Variants in DNAH8 observed in about 807,000 individuals in gnomAD.
DNAH8 encodes the protein dynein axonemal heavy chain 8.
In DNAH8, 382 loss-of-function variants were observed where a neutral mutation model predicts 562.1. The observed-to-expected ratio is 0.68, with a 90% CI of 0.63 to 0.74. DNAH8 has a LOEUF of 0.74. Among genes scored for constraint, DNAH8 ranks in the 30% least tolerant of loss-of-function variants. DNAH8 has a pLI of 0.00. For missense variants in DNAH8, 5,203 were observed against 5,620.4 expected (o/e 0.93, Z 2.37); for synonymous variants, 1,881 against 1,919.4 (o/e 0.98, Z 0.52).
Position 38,815,544 on chromosome 6 carries a change from G to A in DNAH8, c.3410G>A (p.Gly1137Glu). 6.2e-7 allele frequency: 1 copy of A among 1,614,048 alleles called. No homozygotes were observed. Among genetic ancestry groups the A allele is most frequent in the African/African-American group, 1.3e-5 (1 of 75,026 alleles). Residue 1137 changes from glycine (G) to glutamate (E), a missense_variant, in exon 26 of 93, where the codon GGA (glycine) becomes GAA (glutamate). Gly to Glu is a moderately conservative substitution (Grantham distance 98, BLOSUM62 -2). This residue lies in a region of DNAH8 where 2,176 missense variants were observed against 2,365.1 expected (regional missense o/e 0.92). Transcript: ENST00000327475. ...CAGTTAACCCTGGAGGTCAGCAGAGGAGTGGCTCACTGGGGGCAACAGCAA... is the reference window on the plus strand; with the variant it reads ...CAGTTAACCCTGGAGGTCAGCAGAGAAGTGGCTCACTGGGGGCAACAGCAA... ...MIQLTLEVSR[G>E]VAHWGQQQIR...
intron 11 of DNAH8, among the ~76,000 whole-genome samples, chr6:38,767,479 C>G (rs893191901): frequency 6.6e-6 from 1 of 151,984 alleles, no homozygotes; most frequent in East Asian, 1.9e-4. Context: ...GCCCTAGCCC[C>G]TAGTAACTTG....
chr6:38,955,695 G>C (rs1762199915), intron 82 of DNAH8, among the ~76,000 whole-genome samples: 1 of 152,108 alleles, frequency 6.6e-6, no homozygotes, highest in South Asian at 2.1e-4. Context: ...AATTTATAGT[G>C]ATGTCAGCAA....
chr6:38,915,188 C>G lies in DNAH8; in HGVS notation c.9964-13C>G. The G allele has an allele frequency of 6.4e-7, 1 of 1,567,966 alleles. No individual in the cohort carries two copies. The highest frequency in any genetic ancestry group is 8.6e-7 in the Non-Finnish European group (1 of 1,165,310). On this transcript the variant is annotated splice_polypyrimidine_tract_variant and intron_variant, in intron 67 of 92. Coordinates refer to ENST00000327475, the MANE Select transcript of DNAH8 (RefSeq NM_001206927.2). Reference sequence around the variant, plus strand: ...GTTTCTATTGGCTTTCATGTGTTTCCTCAACTTAACAGGTATTAGCAGAAG... The same window carrying G: ...GTTTCTATTGGCTTTCATGTGTTTCGTCAACTTAACAGGTATTAGCAGAAG...
chr6:38,721,160 A>G (rs1762718996), intron 1 of DNAH8, among the ~76,000 whole-genome samples: 1 of 152,116 alleles, frequency 6.6e-6, no homozygotes, highest in African/African-American at 2.4e-5. Context: ...AATAAAAAAT[A>G]AAAAAATTAG....
rs577911490 is a variant in DNAH8 at position 38,811,203 on chromosome 6, A to G, written c.3258-2851A>G. 3.3e-5 allele frequency among the ~76,000 whole-genome samples: 5 copies of G among 152,234 alleles called. No homozygotes were observed. In the East Asian group the frequency reaches 9.6e-4, roughly 29 times the overall value. ...GTTATTGCTTCTAGGATATTCTTTC[A>G]TTGTCTTCTTCTGGAACTCCTATTA... On this transcript the variant is annotated intron_variant, in intron 24 of 92. Coordinates refer to ENST00000327475, the MANE Select transcript of DNAH8 (RefSeq NM_001206927.2).
Position 38,873,313 on chromosome 6 carries a change from C to T in DNAH8, c.7557C>T (p.Tyr2519=), listed in dbSNP as rs1246811351. Residue 2519 remains tyrosine (Y), a synonymous_variant, in exon 52 of 93, where the codon TAC becomes TAT. Transcript: ENST00000327475. ...TLYEKVFEDT[Y]TYMKLNLNPK... ...ATGAGAAAGTCTTTGAAGATACATA[C>T]ACATATATGAAGCTAAATCTCAATC... 1 of 1,613,650 alleles carries T rather than the reference C, an allele frequency of 6.2e-7. No individual in the cohort carries two copies. Among genetic ancestry groups the T allele is most frequent in the East Asian group, 2.2e-5 (1 of 44,842 alleles).
chr6:38,903,472 C>T (rs2150512963), intron 62 of DNAH8, among the ~76,000 whole-genome samples: 1 of 152,206 alleles, frequency 6.6e-6, no homozygotes, highest in African/African-American at 2.4e-5. Flanking sequence ...GAGGGATCTG[C>T]CTCCATGACC....
At chr6:38,987,980 C>T (rs530646335) in intron 87 of DNAH8, among the ~76,000 whole-genome samples, 29 of 152,284 alleles carry the variant, frequency 1.9e-4, no homozygotes, top group Admixed American at 1.2e-3. Context: ...TTGATCTCAT[C>T]CTCAGCCCCA....
At chr6:38,775,729 G>A (rs1767997922) in intron 12 of DNAH8, 25 bp from the exon 13 acceptor site, 1 of 1,496,016 alleles carries the variant, frequency 6.7e-7, no homozygotes. Flanking sequence ...ATTTAAAAAA[G>A]CAAAATAACA....
rs145309531 is a variant in DNAH8, at chr6:38,832,398, G to C, written c.4265G>C (p.Arg1422Pro). 1.9e-6 allele frequency: 3 copies of C among 1,613,066 alleles called. No individual in the cohort carries two copies. Among genetic ancestry groups the C allele is most frequent in the South Asian group, 2.2e-5 (2 of 91,034 alleles). Residue 1422 changes from arginine to proline, a missense_variant, in exon 31 of 93, where the codon CGT becomes CCT. Arg to Pro is a moderately radical substitution (Grantham distance 103). This residue lies in a region of DNAH8 where 2,176 missense variants were observed against 2,365.1 expected (regional missense o/e 0.92). Coordinates refer to ENST00000327475, the MANE Select transcript of DNAH8 (RefSeq NM_001206927.2). Reference sequence around the variant, plus strand: ...CTACTTGAGTCTGTGGAAGTTTTTCGTGAGGACGTGATAAACTTTGCAGAA... The same window carrying C: ...CTACTTGAGTCTGTGGAAGTTTTTCCTGAGGACGTGATAAACTTTGCAGAA... ...SNLLESVEVF[R>P]EDVINFAEAY...
chr6:38,853,328 TCAGCCACTTTC>T lies in DNAH8; in HGVS notation c.5719_5729del (p.His1907ThrfsTer21), dbSNP rs1381683243. 3.0e-5 allele frequency: 48 copies of T among 1,613,330 alleles called. No homozygotes were observed. The highest frequency in any genetic ancestry group is 4.0e-5 in the African/African-American group (3 of 74,898). ...TCAGGATTTCAACTCTTACCATTCC[TCAGCCACTTTC>T]CAGCACAGGTGAGAATACACAATGC... is the stretch of plus-strand genomic sequence containing the variant. On this transcript the variant is annotated frameshift_variant, in exon 41 of 93. Coordinates refer to ENST00000327475, the MANE Select transcript of DNAH8 (RefSeq NM_001206927.2). LOFTEE classifies it high-confidence loss of function.
chr6:38,865,654 G>A (rs11753442), intron 45 of DNAH8, among the ~76,000 whole-genome samples: 4,132 of 152,264 alleles, frequency 0.027, 85 homozygotes, highest in Middle Eastern at 0.044. Context: ...AGGATATTTA[G>A]TACAGTGTGC....
chr6:38,848,780 T>G lies in DNAH8; in HGVS notation c.5178T>G (p.Asp1726Glu). 1 of 1,613,480 alleles carries G rather than the reference T, an allele frequency of 6.2e-7. No individual in the cohort carries two copies. Among genetic ancestry groups the G allele is most frequent in the Non-Finnish European group, 8.5e-7 (1 of 1,179,556 alleles). Reference protein sequence around the residue: ...VYLEAVFVGGDIAKQLPQEAK... With the variant: ...VYLEAVFVGGEIAKQLPQEAK... ...TTGAAGCCGTCTTTGTAGGTGGAGATATTGCCAAACAGCTGCCTCAGGTAA... is the reference window on the plus strand; with the variant it reads ...TTGAAGCCGTCTTTGTAGGTGGAGAGATTGCCAAACAGCTGCCTCAGGTAA... Residue 1726 changes from aspartate (D) to glutamate (E), a missense_variant, in exon 37 of 93, where the codon GAT (aspartate) becomes GAG (glutamate). Coordinates refer to ENST00000327475, the MANE Select transcript of DNAH8 (RefSeq NM_001206927.2).
intron 88 of DNAH8, among the ~76,000 whole-genome samples, chr6:39,000,156 A>T (rs1454322921): frequency 6.6e-6 from 1 of 152,182 alleles, no homozygotes; most frequent in Non-Finnish European, 1.5e-5. Flanking sequence ...TAACCTGGGG[A>T]TACAAAGATG....
chr6:38,828,352 T>A, intron 30 of DNAH8, 64 bp downstream of exon 30: 13 of 968,060 alleles, frequency 1.3e-5, no homozygotes, highest in Non-Finnish European at 2.0e-5. Context: ...AAAAGGTATT[T>A]TATACCTTTT....
At chr6:38,737,705 C>T (rs1264134775) in intron 6 of DNAH8, 104 bp from the exon 7 acceptor site, 1 of 450,158 alleles carries the variant, frequency 2.2e-6, no homozygotes, top group Non-Finnish European at 3.3e-6. Context: ...AACACATTGA[C>T]ATTAAATACT....
At chr6:38,937,114 A>G (rs1003745678) in intron 77 of DNAH8, among the ~76,000 whole-genome samples, 2 of 152,200 alleles carry the variant, frequency 1.3e-5, no homozygotes, top group African/African-American at 4.8e-5. Context: ...ATAGAAAACC[A>G]AACACCGCAT....
chr6:38,735,601 C>A (rs1002141093), intron 5 of DNAH8, among the ~76,000 whole-genome samples: 1 of 152,102 alleles, frequency 6.6e-6, no homozygotes, highest in Admixed American at 6.5e-5. Context: ...TTCATTAATT[C>A]TTTCTTCAAC....
chr6:38,880,293 A>T (rs569533680), intron 53 of DNAH8, among the ~76,000 whole-genome samples: 1 of 152,220 alleles, frequency 6.6e-6, no homozygotes, highest in South Asian at 2.1e-4. Context: ...ATACTTAGGA[A>T]TAAATTTAAT....
Sources: allele counts gnomAD v4.1 joint callset (sites outside exome capture counted in the v4.1 genomes callset), GRCh38; gene constraint gnomAD v4.1.1; regional missense constraint gnomAD v4.1.1; transcripts MANE v1.5; gene names NCBI Gene and HGNC (gene_info 2026-07-23, HGNC 2026-07-21).